The following JAK3 variants were observed in gnomAD, a reference collection of about 807,000 sequenced individuals.
JAK3 encodes the protein Janus kinase 3.
JAK3 carries 88 observed loss-of-function variants against 120.8 expected under a neutral mutation model. The observed-to-expected ratio is 0.73, with a 90% CI of 0.61 to 0.87. The LOEUF (loss-of-function observed/expected upper bound fraction) is 0.87. Among genes scored for constraint, JAK3 ranks in the 40% least tolerant of loss-of-function variants. The probability of loss-of-function intolerance (pLI) is 0.00; values close to 1 mark genes in which losing one functional copy is unlikely to be tolerated. For missense variants in JAK3, 1,254 were observed against 1,501.4 expected (o/e 0.84, Z 2.72); for synonymous variants, 592 against 628.6 (o/e 0.94, Z 0.87).
chr19:17,832,759 C>T lies in JAK3; in HGVS notation c.2490+31G>A, dbSNP rs1168623385. 1.9e-6 allele frequency: 3 copies of T among 1,614,130 alleles called. No homozygotes were observed. The highest frequency in any genetic ancestry group is 2.5e-6 in the Non-Finnish European group (3 of 1,180,040). ...AGGCACCTGGATGCTGCCCTGCCCTCTCCAACCCACCCTGGCCCTGCCCAC... is the reference window on the plus strand; with the variant it reads ...AGGCACCTGGATGCTGCCCTGCCCTTTCCAACCCACCCTGGCCCTGCCCAC... On this transcript the variant is annotated intron_variant, in intron 18 of 23. Transcript: ENST00000458235. The surrounding 1 kb of genome is among the most constrained non-coding windows in gnomAD (Gnocchi z 4.7).
At position 17,826,806 on chromosome 19, in the gene JAK3, C is replaced by A. The variant is rs758952279; in HGVS notation, c.3312G>T (p.Gly1104=). The A allele has an allele frequency of 1.9e-6, 3 of 1,613,942 alleles. No individual in the cohort carries two copies. Among genetic ancestry groups the A allele is most frequent in the South Asian group, 1.1e-5 (1 of 91,082 alleles). Residue 1104 remains glycine (G), a synonymous_variant, in exon 24 of 24, where the codon GGG becomes GGT. Transcript: ENST00000458235. ...GAGCAGTGAAGGCATGAGTCTCACA[C>A]CCCCGGCTTCCGCTCCACAGCATGT... ...QLDMLWSGSR[G]CETHAFTAHP... is the part of the protein sequence containing the mutation.
chr19:17,838,055 G>A lies in JAK3; in HGVS notation c.1578C>T (p.Asn526=), dbSNP rs938877311. ...IPADSLEWHE[N]LGHGSFTKIY... ...TCTTGGTGAAGGACCCATGGCCCAG[G>A]TTCTCATGCTGAATGGTGAGGGGAC... The change falls in exon 12 of 24, where the codon AAC becomes AAT. Residue 526 remains asparagine (N), a synonymous_variant. Transcript: ENST00000458235. 2 of 1,614,058 alleles carry A rather than the reference G, an allele frequency of 1.2e-6. No homozygotes were observed. The highest frequency in any genetic ancestry group is 1.7e-6 in the Non-Finnish European group (2 of 1,180,058).
rs1251467333 is a variant in JAK3, at chr19:17,842,069, G to A, written c.861+247C>T. 1.3e-5 allele frequency among the ~76,000 whole-genome samples: 2 copies of A among 151,178 alleles called. No homozygotes were observed. Among genetic ancestry groups the A allele is most frequent in the African/African-American group, 4.9e-5 (2 of 40,994 alleles). On this transcript the variant is annotated intron_variant, in intron 6 of 23. Coordinates refer to ENST00000458235, the MANE Select transcript of JAK3 (RefSeq NM_000215.4). This position sits in a 1 kb window ranked among gnomAD's most constrained non-coding sequence, Gnocchi z 6.4. Reference sequence around the variant, plus strand: ...TGCCTCTTAGTCTTGCCTCGTTCCAGCGCCCACCCACCCACTCCTCAACCC... The same window carrying A: ...TGCCTCTTAGTCTTGCCTCGTTCCAACGCCCACCCACCCACTCCTCAACCC...
Position 17,831,209 on chromosome 19 carries a change from C to T in JAK3, c.2978+19G>A. On this transcript the variant is annotated intron_variant, in intron 21 of 23. Coordinates refer to ENST00000458235, the MANE Select transcript of JAK3 (RefSeq NM_000215.4). The surrounding 1 kb of genome is among the most constrained non-coding windows in gnomAD (Gnocchi z 5.1). ...GAGCCGTGGGGAATAGGGGCGGAGC[C>T]TAGGCGCGGGTTCCCCACCAGAAAA... The T allele has an allele frequency of 6.2e-7, 1 of 1,609,702 alleles. No individual in the cohort carries two copies. The highest frequency in any genetic ancestry group is 8.5e-7 in the Non-Finnish European group (1 of 1,179,012).
Position 17,834,862 on chromosome 19 carries a change from T to C in JAK3, c.2189A>G (p.Asp730Gly). The change falls in exon 16 of 24, where the codon GAT (aspartate) becomes GGT (glycine). Residue 730 changes from aspartate (D) to glycine (G), a missense_variant. Around this residue, in one of 3 missense-constraint regions of JAK3, gnomAD observed 630 missense variants for 819.8 expected, o/e 0.77. Coordinates refer to ENST00000458235, the MANE Select transcript of JAK3 (RefSeq NM_000215.4). ...SGVTMPISAL[D>G]PAKKLQFYED... ...GTGAGGGGCTCTGACCTTAGCAGGA[T>C]CCAGGGCACTGATGGGCATGGTGAC... 3 of 1,614,108 alleles carry C rather than the reference T, an allele frequency of 1.9e-6. No homozygotes were observed. Among genetic ancestry groups the C allele is most frequent in the Non-Finnish European group, 2.5e-6 (3 of 1,180,020 alleles).
rs918543860 is a variant in JAK3, at chr19:17,831,022, GC to G, written c.2978+205del. Among the ~76,000 whole-genome samples, 1 of 148,760 alleles carries G rather than the reference GC, an allele frequency of 6.7e-6. No homozygotes were observed. The highest frequency in any genetic ancestry group is 1.5e-5 in the Non-Finnish European group (1 of 67,146). On this transcript the variant is annotated intron_variant, in intron 21 of 23. Transcript: ENST00000458235. The surrounding 1 kb of genome is among the most constrained non-coding windows in gnomAD (Gnocchi z 5.1). ...GAGAAGGGCGGGGCTAAGGCTGGGG[GC>G]CGCTGACAGCAGGGCAGCGGGAGAC...
At chr19:17,829,982 G>C (rs763635187) in intron 23 of JAK3, 126 bp downstream of exon 23, 1 of 743,042 alleles carries the variant, frequency 1.3e-6, no homozygotes, top group South Asian at 1.5e-5. Flanking sequence ...GTGGGGGCCA[G>C]GATCCTCATC....
chr19:17,842,260 C>CCAA lies in JAK3; in HGVS notation c.861+55_861+56insTTG. Reference sequence around the variant, plus strand: ...CCACATCCCCTACCACTCTCCGGCCCCTCCCCGAGCCCCGCCCCCACGTTG... The same window carrying CCAA: ...CCACATCCCCTACCACTCTCCGGCCCCAACTCCCCGAGCCCCGCCCCCACGTTG... On this transcript the variant is annotated intron_variant, in intron 6 of 23. Coordinates refer to ENST00000458235, the MANE Select transcript of JAK3 (RefSeq NM_000215.4). This position sits in a 1 kb window ranked among gnomAD's most constrained non-coding sequence, Gnocchi z 6.4. 1 of 1,439,306 alleles carries CCAA rather than the reference C, an allele frequency of 6.9e-7. No homozygotes were observed. Among genetic ancestry groups the CCAA allele is most frequent in the Non-Finnish European group, 9.2e-7 (1 of 1,090,398 alleles). 89.2% of individuals were successfully genotyped at this position (1,439,306 alleles called of 1,614,324 possible). A position where few individuals can be genotyped will look rare whatever the true frequency, so the allele number is the denominator to read the frequency against.
chr19:17,842,501 C>T lies in JAK3; in HGVS notation c.676G>A (p.Ala226Thr), dbSNP rs918213968. Residue 226 changes from alanine (A) to threonine (T), a missense_variant, in exon 6 of 24, where the codon GCC becomes ACC. Physicochemically the swap from Ala to Thr is moderately conservative, Grantham distance 58. Transcript: ENST00000458235. This position sits in a 1 kb window ranked among gnomAD's most constrained non-coding sequence, Gnocchi z 6.4. ...TVRRALRRVAACQADRHSLMA... is the reference protein window; with the variant it reads ...TVRRALRRVATCQADRHSLMA... ...AGCGAGTGCCGGTCTGCCTGGCAGGCGGCCACGCGGCGCAGGGCTCTGCGC... is the reference window on the plus strand; with the variant it reads ...AGCGAGTGCCGGTCTGCCTGGCAGGTGGCCACGCGGCGCAGGGCTCTGCGC... 5 of 1,596,070 alleles carry T rather than the reference C, an allele frequency of 3.1e-6. No homozygotes were observed. The highest frequency in any genetic ancestry group is 1.7e-5 in the Admixed American group (1 of 57,392).
At chr19:17,829,865 G>A in intron 23 of JAK3, 1 of 599,494 alleles carries the variant, frequency 1.7e-6, no homozygotes, top group African/African-American at 1.8e-5. Flanking sequence ...GTGTTCAGGA[G>A]TCTAATCTTC....
chr19:17,835,989 G>A lies in JAK3; in HGVS notation c.1849C>T (p.His617Tyr), dbSNP rs2094223364. Residue 617 changes from histidine to tyrosine, a missense_variant, in exon 14 of 24, where the codon CAC becomes TAC. His to Tyr is a moderately conservative substitution (Grantham distance 83, BLOSUM62 2). This residue lies in a region of JAK3 where 630 missense variants were observed against 819.8 expected (regional missense o/e 0.77). Coordinates refer to ENST00000458235, the MANE Select transcript of JAK3 (RefSeq NM_000215.4). ...AGCTTCCAGCTGGCTGGCACCAGGTGGCCACGTTTTCGCAGATACATGTCT... is the reference window on the plus strand; with the variant it reads ...AGCTTCCAGCTGGCTGGCACCAGGTAGCCACGTTTTCGCAGATACATGTCT... ...AIDMYLRKRG[H>Y]LVPASWKLQV... 6.2e-7 allele frequency: 1 copy of A among 1,614,104 alleles called. No individual in the cohort carries two copies. Among genetic ancestry groups the A allele is most frequent in the African/African-American group, 1.3e-5 (1 of 75,042 alleles).
rs587778414 is a variant in JAK3, at chr19:17,837,176, G to A, written c.1739C>T (p.Ser580Leu). 2.0e-5 allele frequency: 31 copies of A among 1,573,232 alleles called. No homozygotes were observed. The highest frequency in any genetic ancestry group is 4.7e-5 in the East Asian group (2 of 42,890). ...LEAASLMSQV[S>L]YRHLVLLHGV... Reference sequence around the variant, plus strand: ...GTGGAGCAGCACGAGATGCCGGTACGACACTTGGCTCATCAAGCTCGCTGC... The same window carrying A: ...GTGGAGCAGCACGAGATGCCGGTACAACACTTGGCTCATCAAGCTCGCTGC... Residue 580 changes from serine to leucine, a missense_variant, in exon 13 of 24, where the codon TCG (serine) becomes TTG (leucine). Physicochemically the swap from Ser to Leu is moderately radical, Grantham distance 145. This residue lies in a region of JAK3 where 630 missense variants were observed against 819.8 expected (regional missense o/e 0.77). Transcript: ENST00000458235.
Position 17,844,082 on chromosome 19 carries a change from C to A in JAK3, c.184+152G>T. On this transcript the variant is annotated intron_variant, in intron 2 of 23. Coordinates refer to ENST00000458235, the MANE Select transcript of JAK3 (RefSeq NM_000215.4). ...CATTCCCTCTGCCTCAGAAGCCAAC[C>A]CTGCACACCCTTCTCCATTACAAAA... 5 of 1,134,192 alleles carry A rather than the reference C, an allele frequency of 4.4e-6. No individual in the cohort carries two copies. In the South Asian group the frequency reaches 6.9e-5, roughly 16 times the overall value. The allele number at this position is 1,134,192 out of a possible 1,614,324, so 70.3% of individuals were successfully genotyped here.
intron 13 of JAK3, chr19:17,836,600 A>G (rs3212762): frequency 0.41 from 142,756 of 350,200 alleles, 30,261 homozygotes; most frequent in East Asian, 0.56. Context: ...CCCTTTGCAT[A>G]TTCTGTGTCC....
chr19:17,839,376 C>T (rs1469013035), intron 10 of JAK3, 101 bp downstream of exon 10: 4 of 1,101,992 alleles, frequency 3.6e-6, no homozygotes, highest in South Asian at 2.7e-5. Flanking sequence ...CCCACCTTGA[C>T]CTGCAGTTTC....
chr19:17,831,486 ACCC>A lies in JAK3; in HGVS notation c.2806-89_2806-87del, dbSNP rs1486780561. The A allele has an allele frequency of 6.4e-7, 1 of 1,567,558 alleles. No individual in the cohort carries two copies. Among genetic ancestry groups the A allele is most frequent in the African/African-American group, 1.4e-5 (1 of 74,056 alleles). On this transcript the variant is annotated intron_variant, in intron 20 of 23. Coordinates refer to ENST00000458235, the MANE Select transcript of JAK3 (RefSeq NM_000215.4). The surrounding 1 kb of genome is among the most constrained non-coding windows in gnomAD (Gnocchi z 5.1). ...AGCGTGACCTGGCACCCCAACCCAG[ACCC>A]CAACTATAACCCTACCCCCGAGCCA...
chr19:17,842,909 T>C lies in JAK3; in HGVS notation c.566+118A>G, dbSNP rs2094243388. 3.5e-6 allele frequency: 5 copies of C among 1,434,106 alleles called. No homozygotes were observed. The South Asian group carries it at 4.7e-5, about 13-fold the overall frequency. The allele number at this position is 1,434,106 out of a possible 1,614,324, so 88.8% of individuals were successfully genotyped here. A position where few individuals can be genotyped will look rare whatever the true frequency, so the allele number is the denominator to read the frequency against. On this transcript the variant is annotated intron_variant, in intron 5 of 23. Coordinates refer to ENST00000458235, the MANE Select transcript of JAK3 (RefSeq NM_000215.4). The surrounding 1 kb of genome is among the most constrained non-coding windows in gnomAD (Gnocchi z 6.4). ...TGGGTTCGTGGGAGGCCCTGGGTCA[T>C]AGGAACACCCTGAAAGCTTGCAGGA...
At chr19:17,828,568 T>C (rs1471855815) in intron 23 of JAK3, among the ~76,000 whole-genome samples, 1 of 150,208 alleles carries the variant, frequency 6.7e-6, no homozygotes, top group African/African-American at 2.5e-5. Context: ...CTTGTATTGT[T>C]TGTAGAGACA....
At chr19:17,839,747 T>C (rs535911325) in intron 9 of JAK3, 84 bp from the exon 10 acceptor site, 33 of 1,281,790 alleles carry the variant, frequency 2.6e-5, no homozygotes, top group Admixed American at 9.2e-5. Flanking sequence ...TCTTTTTTTT[T>C]TTTTTTTTTT....
Sources: gnomAD v4.1 joint callset for allele counts (sites outside exome capture counted in the v4.1 genomes callset) on GRCh38, gnomAD v4.1.1 for gene constraint, gnomAD v4.1.1 regional missense constraint, Gnocchi (gnomAD v3.1) non-coding constraint, MANE v1.5 for transcripts, NCBI Gene and HGNC (gene_info 2026-07-23, HGNC 2026-07-21) for gene names.